OXCT1: variants seen among roughly 807,000 people sequenced by gnomAD.
OXCT1 encodes the protein succinyl-CoA:3-ketoacid coenzyme A transferase 1, mitochondrial.
Under a neutral mutation model 69.6 loss-of-function variants are expected in OXCT1, and 27 were observed. The observed-to-expected ratio is 0.39, with a 90% CI of 0.29 to 0.54. The LOEUF (loss-of-function observed/expected upper bound fraction) is 0.54. OXCT1 is among the 20% of genes least tolerant of loss of function. The pLI is 0.72. For missense variants in OXCT1, 437 were observed against 650.2 expected (o/e 0.67, Z 3.57); for synonymous variants, 202 against 217.8 (o/e 0.93, Z 0.64).
At chr5:41,750,175 G>T (rs1554065946) in intron 14 of OXCT1, among the ~76,000 whole-genome samples, 7 of 111,892 alleles carry the variant, frequency 6.3e-5, no homozygotes, top group South Asian at 2.7e-4. Flanking sequence ...TTTTCTTCTA[G>T]GTTTCTACAC....
intron 7 of OXCT1, among the ~76,000 whole-genome samples, chr5:41,827,191 T>C (rs1174147041): frequency 6.6e-6 from 1 of 152,174 alleles, no homozygotes; most frequent in African/African-American, 2.4e-5. Context: ...GCACTTAAAA[T>C]CCAAGCTCCT....
intron 7 of OXCT1, among the ~76,000 whole-genome samples, chr5:41,824,580 G>T (rs1319222674): frequency 2.0e-5 from 3 of 152,126 alleles, no homozygotes; most frequent in African/African-American, 7.2e-5. Flanking sequence ...AAAAATAAGT[G>T]AAAACATTTT....
intron 14 of OXCT1, among the ~76,000 whole-genome samples, chr5:41,757,327 C>T (rs1744127307): frequency 6.6e-6 from 1 of 152,074 alleles, no homozygotes; most frequent in Admixed American, 6.6e-5. Context: ...TGCCCCATCC[C>T]TCAGATCTCC....
At chr5:41,761,754 C>A (rs573727051) in intron 14 of OXCT1, among the ~76,000 whole-genome samples, 1 of 152,174 alleles carries the variant, frequency 6.6e-6, no homozygotes, top group Admixed American at 6.5e-5. Context: ...CAGATAGCAA[C>A]CACTATAATC....
At chr5:41,780,843 C>A (rs1745361426) in intron 13 of OXCT1, among the ~76,000 whole-genome samples, 1 of 152,186 alleles carries the variant, frequency 6.6e-6, no homozygotes, top group Admixed American at 6.5e-5. Context: ...TCATTTAATT[C>A]TTCCCAAACC....
At chr5:41,849,714 T>C (rs1449168321) in intron 5 of OXCT1, among the ~76,000 whole-genome samples, 1 of 152,236 alleles carries the variant, frequency 6.6e-6, no homozygotes, top group Non-Finnish European at 1.5e-5. Context: ...TTATTTTCCA[T>C]ATAAGCATAA....
intron 6 of OXCT1, among the ~76,000 whole-genome samples, chr5:41,841,948 C>T (rs981623245): frequency 1.2e-4 from 19 of 152,010 alleles, no homozygotes; most frequent in African/African-American, 4.1e-4. Flanking sequence ...AATTGTTAAT[C>T]GAAAGCAGCA....
chr5:41,780,994 C>T (rs1420663343), intron 13 of OXCT1, among the ~76,000 whole-genome samples: 1 of 151,916 alleles, frequency 6.6e-6, no homozygotes, highest in Non-Finnish European at 1.5e-5. Flanking sequence ...AGCTCTGCCT[C>T]CTGGGGTCAC....
intron 13 of OXCT1, among the ~76,000 whole-genome samples, chr5:41,787,634 CAAAAAA>C (rs765691863): frequency 1.7e-4 from 6 of 34,736 alleles, no homozygotes; most frequent in African/African-American, 5.6e-4. Flanking sequence ...AAGCATTAGG[CAAAAAA>C]AAAAAAAAAA....
intron 5 of OXCT1, 131 bp downstream of exon 5, chr5:41,849,899 C>T: frequency 1.1e-6 from 1 of 913,538 alleles, no homozygotes; most frequent in Non-Finnish European, 1.8e-6. Flanking sequence ...AGAAATTTCA[C>T]CTATTTATGA....
At position 41,737,921 on chromosome 5, in the gene OXCT1, G is replaced by A. The variant is rs955080601; in HGVS notation, c.1521+1469C>T. Among the ~76,000 whole-genome samples, 18 of 152,106 alleles carry A rather than the reference G, an allele frequency of 1.2e-4. 1 individual carries two copies. The highest frequency in any genetic ancestry group is 3.9e-4 in the East Asian group (2 of 5,188). Reference sequence around the variant, plus strand: ...ATACAAAAAATTAGCCGGGCGTGGCGGCATGTGCCTGTAGTCCCAGCTGCT... The same window carrying A: ...ATACAAAAAATTAGCCGGGCGTGGCAGCATGTGCCTGTAGTCCCAGCTGCT... On this transcript the variant is annotated intron_variant, in intron 16 of 16. Coordinates refer to ENST00000196371, the MANE Select transcript of OXCT1 (RefSeq NM_000436.4).
chr5:41,831,111 G>A (rs1480211274), intron 7 of OXCT1, among the ~76,000 whole-genome samples: 5 of 152,136 alleles, frequency 3.3e-5, no homozygotes, highest in African/African-American at 1.2e-4. Context: ...ACAAATACCA[G>A]GAGGCTCCAA....
intron 13 of OXCT1, among the ~76,000 whole-genome samples, chr5:41,769,163 C>T (rs1345585695): frequency 4.6e-5 from 7 of 152,170 alleles, no homozygotes; most frequent in Non-Finnish European, 1.0e-4. Flanking sequence ...AAATTTACCA[C>T]ATTATCAGCT....
At chr5:41,810,632 G>C (rs1746931210) in intron 7 of OXCT1, among the ~76,000 whole-genome samples, 1 of 152,024 alleles carries the variant, frequency 6.6e-6, no homozygotes, top group Non-Finnish European at 1.5e-5. Flanking sequence ...TGCTTTCTCT[G>C]CACTGCACTC....
chr5:41,767,799 A>G (rs898545225), intron 13 of OXCT1, among the ~76,000 whole-genome samples: 3 of 146,472 alleles, frequency 2.0e-5, no homozygotes, highest in African/African-American at 5.2e-5. Flanking sequence ...TCTACTGCAT[A>G]TCACAGTGTC....
chr5:41,838,975 T>C (rs1354854915), intron 7 of OXCT1, among the ~76,000 whole-genome samples: 1 of 152,170 alleles, frequency 6.6e-6, no homozygotes, highest in Non-Finnish European at 1.5e-5. Flanking sequence ...TTAGGAGTGG[T>C]TGCGCACATT....
intron 10 of OXCT1, 59 bp from the exon 11 acceptor site, chr5:41,801,129 A>C: frequency 7.9e-7 from 1 of 1,258,366 alleles, no homozygotes; most frequent in South Asian, 1.2e-5. Context: ...ATCACATATT[A>C]GAACTATAAT....
chr5:41,819,320 T>C (rs1439590872), intron 7 of OXCT1, among the ~76,000 whole-genome samples: 1 of 148,620 alleles, frequency 6.7e-6, no homozygotes, highest in East Asian at 2.1e-4. Flanking sequence ...ATCACGAACA[T>C]TCTAAAACCA....
intron 13 of OXCT1, among the ~76,000 whole-genome samples, chr5:41,791,202 A>T (rs1745898928): frequency 6.6e-6 from 1 of 152,232 alleles, no homozygotes; most frequent in Non-Finnish European, 1.5e-5. Context: ...CAAAGAAGTT[A>T]GGAAATGATT....
Sources: gnomAD v4.1 joint callset for allele counts (sites outside exome capture counted in the v4.1 genomes callset) on GRCh38, gnomAD v4.1.1 for gene constraint, MANE v1.5 for transcripts, NCBI Gene and HGNC (gene_info 2026-07-23, HGNC 2026-07-21) for gene names.